Variants in ANKS1A observed in about 807,000 individuals in gnomAD.
The protein encoded by ANKS1A is ankyrin repeat and sterile alpha motif domain containing 1A.
Under a neutral mutation model 120.3 loss-of-function variants are expected in ANKS1A, and 55 were observed. That is an observed-to-expected ratio of 0.46 (90% CI 0.37 to 0.57). The LOEUF is 0.57. ANKS1A is among the 20% of genes least tolerant of loss of function. The pLI, the probability that ANKS1A is intolerant of heterozygous loss-of-function variation, is 0.00. For synonymous variants in ANKS1A, 590 were observed against 604.7 expected (o/e 0.98, Z 0.36); for missense variants, 1,123 against 1,480.3 (o/e 0.76, Z 3.96).
At chr6:35,032,996 TA>T (rs1210096583) in intron 11 of ANKS1A, among the ~76,000 whole-genome samples, 2 of 152,228 alleles carry the variant, frequency 1.3e-5, no homozygotes, top group African/African-American at 4.8e-5. Flanking sequence ...AAATGTCAAA[TA>T]TGTTTTAAGC....
At chr6:34,915,062 T>G (rs1768089538) in intron 1 of ANKS1A, among the ~76,000 whole-genome samples, 1 of 152,234 alleles carries the variant, frequency 6.6e-6, no homozygotes. Context: ...AAAATGGAAT[T>G]TTGCCTATCG....
chr6:34,953,509 G>T (rs1341745457), intron 1 of ANKS1A, among the ~76,000 whole-genome samples: 1 of 152,030 alleles, frequency 6.6e-6, no homozygotes, highest in Non-Finnish European at 1.5e-5. Flanking sequence ...AATCAACCAG[G>T]CTCCACTGTG....
intron 1 of ANKS1A, among the ~76,000 whole-genome samples, chr6:34,951,823 C>T (rs1770105991): frequency 6.6e-6 from 1 of 152,162 alleles, no homozygotes; most frequent in African/African-American, 2.4e-5. Context: ...GGAAGTCTCT[C>T]AGTTAACTAC....
intron 1 of ANKS1A, among the ~76,000 whole-genome samples, chr6:34,960,800 GCTC>G (rs1770596566): frequency 6.6e-6 from 1 of 152,066 alleles, no homozygotes; most frequent in African/African-American, 2.4e-5. Context: ...TATTATACTT[GCTC>G]AAACTTCTAG....
Position 35,057,433 on chromosome 6 carries a change from C to T in ANKS1A, c.2078-2714C>T, listed in dbSNP as rs899100423. On this transcript the variant is annotated intron_variant, in intron 12 of 23. Coordinates refer to ENST00000360359, the MANE Select transcript of ANKS1A (RefSeq NM_015245.3). This position sits in a 1 kb window ranked among gnomAD's most constrained non-coding sequence, Gnocchi z 4.1. ...GAGTAGCTGGTCAAGCAGGATCCTT[C>T]TGGGGCCTGATGAGAACCCTCTCTT... Among the ~76,000 whole-genome samples, 8 of 152,182 alleles carry T rather than the reference C, an allele frequency of 5.3e-5. No homozygotes were observed. The highest frequency in any genetic ancestry group is 1.2e-4 in the Non-Finnish European group (8 of 68,036).
chr6:35,014,538 G>A (rs1012966994), intron 10 of ANKS1A, among the ~76,000 whole-genome samples: 6 of 152,168 alleles, frequency 3.9e-5, no homozygotes, highest in Non-Finnish European at 7.3e-5. Flanking sequence ...GCATGAATGG[G>A]TGGCTGTTTC....
At chr6:34,970,230 C>A in intron 3 of ANKS1A, 64 bp downstream of exon 3, 1 of 1,502,120 alleles carries the variant, frequency 6.7e-7, no homozygotes, top group Non-Finnish European at 8.9e-7. Context: ...AACCCCATCA[C>A]CATCTTAGCC....
In ANKS1A at chr6:35,037,500, A is replaced by G. The variant is rs540666255; in HGVS notation, c.2011-16599A>G. Among the ~76,000 whole-genome samples the G allele has an allele frequency of 2.0e-5, 3 of 152,294 alleles. No individual in the cohort carries two copies. In the South Asian group the frequency reaches 6.2e-4, roughly 32 times the overall value. On this transcript the variant is annotated intron_variant, in intron 11 of 23. Transcript: ENST00000360359. Reference sequence around the variant, plus strand: ...GGGGGAGTGAGAAAGAAAGGAAACCAATAAAGGATTTGTTACCCAGCAGGT... The same window carrying G: ...GGGGGAGTGAGAAAGAAAGGAAACCGATAAAGGATTTGTTACCCAGCAGGT...
At chr6:34,951,178 T>C (rs116515674) in intron 1 of ANKS1A, among the ~76,000 whole-genome samples, 1,627 of 152,322 alleles carry the variant, frequency 0.011, 35 homozygotes, top group African/African-American at 0.037. Context: ...TCTCAGTCTT[T>C]AGAATGCCTT....
chr6:35,090,112 G>C lies in ANKS1A; in HGVS notation c.*1503G>C. 7.8e-7 allele frequency: 1 copy of C among 1,289,336 alleles called. No individual in the cohort carries two copies. Among genetic ancestry groups the C allele is most frequent in the Middle Eastern group, 2.1e-4 (1 of 4,696 alleles). 79.9% of individuals were successfully genotyped at this position (1,289,336 alleles called of 1,614,324 possible). A position where few individuals can be genotyped will look rare whatever the true frequency, so the allele number is the denominator to read the frequency against. ...GTTTCTATCTGCTAAGCACCCAGCAGGTTGGGGCCTGGGACTCAGCTCTCT... is the reference window on the plus strand; with the variant it reads ...GTTTCTATCTGCTAAGCACCCAGCACGTTGGGGCCTGGGACTCAGCTCTCT... On this transcript the variant is annotated 3_prime_UTR_variant, in exon 24 of 24. Coordinates refer to ENST00000360359, the MANE Select transcript of ANKS1A (RefSeq NM_015245.3).
At chr6:35,012,195 C>A (rs1354277329) in intron 10 of ANKS1A, among the ~76,000 whole-genome samples, 1 of 152,118 alleles carries the variant, frequency 6.6e-6, no homozygotes, top group Non-Finnish European at 1.5e-5. Flanking sequence ...TTGAAAGAGA[C>A]CTAGAGAGGA....
intron 1 of ANKS1A, among the ~76,000 whole-genome samples, chr6:34,928,377 C>A (rs1199529436): frequency 1.3e-5 from 2 of 152,264 alleles, no homozygotes; most frequent in Middle Eastern, 3.4e-3. Flanking sequence ...AGCACTCTGT[C>A]ACGGAAGGCT....
At chr6:34,959,896 G>A (rs1415756462) in intron 1 of ANKS1A, among the ~76,000 whole-genome samples, 2 of 152,282 alleles carry the variant, frequency 1.3e-5, no homozygotes, top group East Asian at 1.9e-4. Context: ...AGCCTTTAGA[G>A]CCTGTGCCTC....
chr6:35,009,421 G>A (rs1328727365), intron 10 of ANKS1A, among the ~76,000 whole-genome samples: 1 of 152,160 alleles, frequency 6.6e-6, no homozygotes, highest in African/African-American at 2.4e-5. Flanking sequence ...AGAATTGAGG[G>A]AGGGGGCATG....
intron 13 of ANKS1A, among the ~76,000 whole-genome samples, chr6:35,074,018 T>G (rs1251835583): frequency 6.6e-6 from 1 of 152,256 alleles, no homozygotes; most frequent in Non-Finnish European, 1.5e-5. Flanking sequence ...TTTATTTTTG[T>G]GTGTTTCCAT....
rs1360791681 is a variant in ANKS1A at position 35,090,183 on chromosome 6, G to T, written c.*1574G>T. 1.6e-6 allele frequency: 2 copies of T among 1,289,458 alleles called. No homozygotes were observed. The highest frequency in any genetic ancestry group is 2.0e-6 in the Non-Finnish European group (2 of 988,892). The allele number at this position is 1,289,458 out of a possible 1,614,324, so 79.9% of individuals were successfully genotyped here. A position where few individuals can be genotyped will look rare whatever the true frequency, so the allele number is the denominator to read the frequency against. Reference sequence around the variant, plus strand: ...CCTCCACTTCTTGGTACTAAACGAAGATCTCGACACCTTGCAGTTTTACTT... The same window carrying T: ...CCTCCACTTCTTGGTACTAAACGAATATCTCGACACCTTGCAGTTTTACTT... On this transcript the variant is annotated 3_prime_UTR_variant, in exon 24 of 24. Transcript: ENST00000360359.
Position 34,981,807 on chromosome 6 carries a change from C to T in ANKS1A, c.553C>T (p.Pro185Ser). The change falls in exon 4 of 24, where the codon CCT becomes TCT. Residue 185 changes from proline (P) to serine (S), a missense_variant. By Grantham distance (74) the Pro-to-Ser change is moderately conservative. This residue lies in a region of ANKS1A where 146 missense variants were observed against 267.8 expected (regional missense o/e 0.55). Coordinates refer to ENST00000360359, the MANE Select transcript of ANKS1A (RefSeq NM_015245.3). ...PTMRNNKFET[P>S]LDLAALYGRL... is the part of the protein sequence containing the mutation. ...CATGCGCAACAACAAATTCGAGACC[C>T]CTTTGGACCTGGCAGCACTGTACGG... The T allele has an allele frequency of 1.2e-6, 2 of 1,614,124 alleles. No individual in the cohort carries two copies. The highest frequency in any genetic ancestry group is 1.7e-6 in the Non-Finnish European group (2 of 1,180,014).
intron 1 of ANKS1A, among the ~76,000 whole-genome samples, chr6:34,947,127 G>A (rs867907527): frequency 1.9e-4 from 28 of 148,208 alleles, no homozygotes; most frequent in Middle Eastern, 3.4e-3. Flanking sequence ...TACTTAATAC[G>A]TAGTATAGTA....
At chr6:34,921,403 T>C (rs1240338681) in intron 1 of ANKS1A, among the ~76,000 whole-genome samples, 1 of 152,240 alleles carries the variant, frequency 6.6e-6, no homozygotes, top group Non-Finnish European at 1.5e-5. Context: ...AGAAAGCCTT[T>C]AGATTAGTAG....
Sources: allele counts gnomAD v4.1 joint callset (sites outside exome capture counted in the v4.1 genomes callset), GRCh38; gene constraint gnomAD v4.1.1; regional missense constraint gnomAD v4.1.1; non-coding constraint Gnocchi (gnomAD v3.1); transcripts MANE v1.5; gene names NCBI Gene and HGNC (gene_info 2026-07-23, HGNC 2026-07-21).